The following CELF4 variants were observed in gnomAD, a reference collection of about 807,000 sequenced individuals.
The protein encoded by CELF4 is CUG-BP- and ETR-3-like factor 4.
A neutral mutation model predicts 59.9 loss-of-function variants in CELF4; 18 were observed. The ratio of observed to expected loss-of-function variants is 0.30; its 90% CI spans 0.21 to 0.45. The LOEUF (loss-of-function observed/expected upper bound fraction) is 0.45. Ranked by LOEUF, CELF4 falls within the 20% of genes least tolerant of loss-of-function variation. CELF4 has a pLI of 1.00. For missense variants in CELF4, 456 were observed against 689.0 expected, an observed-to-expected ratio of 0.66 and a Z score of 3.79; for synonymous variants, 261 against 267.1, an observed-to-expected ratio of 0.98 and a Z score of 0.22.
chr18:37,416,516 A>T (rs576294662), intron 2 of CELF4, among the ~76,000 whole-genome samples: 7 of 152,282 alleles, frequency 4.6e-5, no homozygotes, highest in African/African-American at 1.7e-4. Flanking sequence ...GCTTCATATC[A>T]TCTGGTCTGC....
chr18:37,541,919 C>T (rs939319402), intron 1 of CELF4, among the ~76,000 whole-genome samples: 2 of 152,200 alleles, frequency 1.3e-5, no homozygotes, highest in African/African-American at 4.8e-5. Flanking sequence ...CACTTATGAT[C>T]AGGTTTTTAA....
intron 2 of CELF4, among the ~76,000 whole-genome samples, chr18:37,327,079 G>A (rs2097343197): frequency 6.6e-6 from 1 of 152,090 alleles, no homozygotes; most frequent in Admixed American, 6.5e-5. Context: ...TGTCCAGTGT[G>A]GCTCCCTCTG....
intron 1 of CELF4, among the ~76,000 whole-genome samples, chr18:37,548,692 A>T (rs1325315797): frequency 1.3e-5 from 2 of 152,120 alleles, no homozygotes; most frequent in East Asian, 3.9e-4. Flanking sequence ...CCTCACAATG[A>T]CCCTAAGCAA....
intron 2 of CELF4, among the ~76,000 whole-genome samples, chr18:37,427,175 C>A (rs985379495): frequency 2.6e-5 from 4 of 152,130 alleles, no homozygotes; most frequent in African/African-American, 9.7e-5. Flanking sequence ...TGGGGCTTGC[C>A]TCCTCCAACC....
intron 3 of CELF4, among the ~76,000 whole-genome samples, chr18:37,295,298 C>G (rs908026737): frequency 6.6e-6 from 1 of 152,212 alleles, no homozygotes; most frequent in African/African-American, 2.4e-5. Flanking sequence ...TGCCAAAGGC[C>G]TGGCTGATGC....
intron 1 of CELF4, among the ~76,000 whole-genome samples, chr18:37,547,162 T>G (rs923948974): frequency 7.2e-6 from 1 of 139,280 alleles, no homozygotes; most frequent in African/African-American, 2.9e-5. Context: ...GTGTGTGTGG[T>G]GTGTGTGTGT....
At chr18:37,256,748 C>T (rs2069814131) in intron 11 of CELF4, among the ~76,000 whole-genome samples, 1 of 152,030 alleles carries the variant, frequency 6.6e-6, no homozygotes, top group African/African-American at 2.4e-5. Context: ...CCACATCCAG[C>T]TAATTTTTGT....
intron 2 of CELF4, among the ~76,000 whole-genome samples, chr18:37,381,172 C>T (rs2154569529): frequency 6.6e-6 from 1 of 152,220 alleles, no homozygotes; most frequent in South Asian, 2.1e-4. Flanking sequence ...CATTCATCCA[C>T]TCAACAATAA....
At chr18:37,249,789 T>C (rs1185220255) in intron 12 of CELF4, among the ~76,000 whole-genome samples, 2 of 152,054 alleles carry the variant, frequency 1.3e-5, no homozygotes, top group Non-Finnish European at 2.9e-5. Flanking sequence ...GAGGAAATTA[T>C]GGCCAAGCTG....
At chr18:37,315,936 C>T (rs1048536074) in intron 3 of CELF4, among the ~76,000 whole-genome samples, 3 of 152,228 alleles carry the variant, frequency 2.0e-5, no homozygotes, top group African/African-American at 4.8e-5. Flanking sequence ...TCTACCCCCT[C>T]ATCTCTGACT....
intron 2 of CELF4, among the ~76,000 whole-genome samples, chr18:37,457,738 C>T (rs1301502999): frequency 6.6e-6 from 1 of 152,166 alleles, no homozygotes; most frequent in Non-Finnish European, 1.5e-5. Flanking sequence ...ATCCTCTGAG[C>T]CCAGCTTTCC....
intron 2 of CELF4, among the ~76,000 whole-genome samples, chr18:37,424,439 G>A (rs1320977432): frequency 1.3e-5 from 2 of 152,200 alleles, no homozygotes; most frequent in African/African-American, 2.4e-5. Context: ...GAGAGCAGAA[G>A]GAGGAGAAGG....
At chr18:37,258,294 A>T (rs1288648593) in intron 11 of CELF4, among the ~76,000 whole-genome samples, 1 of 118,652 alleles carries the variant, frequency 8.4e-6, no homozygotes, top group African/African-American at 3.3e-5. Flanking sequence ...ACCCCCCAGC[A>T]CAGACACCAC....
At chr18:37,259,865 T>A (rs1160908940) in intron 10 of CELF4, among the ~76,000 whole-genome samples, 1 of 152,196 alleles carries the variant, frequency 6.6e-6, no homozygotes, top group Non-Finnish European at 1.5e-5. Flanking sequence ...TTATCCTGCC[T>A]CCTCCTGTGT....
chr18:37,485,301 G>A (rs2099878619), intron 2 of CELF4, among the ~76,000 whole-genome samples: 1 of 151,660 alleles, frequency 6.6e-6, no homozygotes, highest in Admixed American at 6.6e-5. Context: ...GGCTGCCCGC[G>A]CAGGAACTTC....
chr18:37,492,569 T>C (rs2099909508), intron 1 of CELF4, among the ~76,000 whole-genome samples: 1 of 152,128 alleles, frequency 6.6e-6, no homozygotes, highest in African/African-American at 2.4e-5. Flanking sequence ...GTCTTCCTGG[T>C]ACCTTTTGAA....
In CELF4 at chr18:37,407,032, C is replaced by T. The variant is rs147632320; in HGVS notation, c.369+78493G>A. ...CTTTGTTAGACCTCAGGAAAGACAG[C>T]ATGGTTTATTGAAAAAAGAAAACAA... is the stretch of plus-strand genomic sequence containing the variant. On this transcript the variant is annotated intron_variant, in intron 2 of 12. Coordinates refer to ENST00000420428, the MANE Select transcript of CELF4 (RefSeq NM_020180.4). 5.6e-4 allele frequency among the ~76,000 whole-genome samples: 86 copies of T among 152,252 alleles called. 1 individual carries two copies. In the East Asian group the frequency reaches 0.016, roughly 28 times the overall value.
At chr18:37,385,354 CAAAA>C (rs34504926) in intron 2 of CELF4, among the ~76,000 whole-genome samples, 3 of 100,528 alleles carry the variant, frequency 3.0e-5, no homozygotes, top group Admixed American at 1.2e-4. Flanking sequence ...GACTCCATCT[CAAAA>C]AAAAAAAAAA....
intron 1 of CELF4, among the ~76,000 whole-genome samples, chr18:37,545,132 G>A (rs367632075): frequency 6.6e-6 from 1 of 152,204 alleles, no homozygotes; most frequent in South Asian, 2.1e-4. Context: ...CAGGAAGACC[G>A]GGCATAATAA....
Sources: allele counts gnomAD v4.1 joint callset (sites outside exome capture counted in the v4.1 genomes callset), GRCh38; gene constraint gnomAD v4.1.1; transcripts MANE v1.5; gene names NCBI Gene and HGNC (gene_info 2026-07-23, HGNC 2026-07-21).